The following TMTC2 variants were observed in gnomAD, a reference collection of about 807,000 sequenced individuals.
TMTC2 encodes the protein transmembrane O-mannosyltransferase targeting cadherins 2.
TMTC2 carries 43 observed loss-of-function variants against 82.4 expected under a neutral mutation model. That is an observed-to-expected ratio of 0.52 (90% CI 0.41 to 0.67). The LOEUF is 0.67. Among genes scored for constraint, TMTC2 ranks in the 30% least tolerant of loss-of-function variants. The pLI is 0.00. For synonymous variants in TMTC2, 408 were observed against 381.9 expected, an observed-to-expected ratio of 1.07 and a Z score of -0.80; for missense variants, 919 against 1,012.4, an observed-to-expected ratio of 0.91 and a Z score of 1.25.
chr12:82,992,347 G>GTTTT (rs1242078002), intron 8 of TMTC2, among the ~76,000 whole-genome samples: 1 of 152,064 alleles, frequency 6.6e-6, no homozygotes, highest in Admixed American at 6.6e-5. Flanking sequence ...TTGTTTGTTT[G>GTTTT]TTTATTTATT....
At chr12:82,743,826 ACT>A (rs1430103782) in intron 1 of TMTC2, among the ~76,000 whole-genome samples, 1 of 151,822 alleles carries the variant, frequency 6.6e-6, no homozygotes, top group Non-Finnish European at 1.5e-5. Flanking sequence ...AGAAAATATG[ACT>A]CTGTTGTCCT....
chr12:83,082,828 G>A (rs1883519100), intron 11 of TMTC2, among the ~76,000 whole-genome samples: 1 of 152,156 alleles, frequency 6.6e-6, no homozygotes, highest in African/African-American at 2.4e-5. Context: ...ACTTGGTGTT[G>A]CTATAAATAG....
intron 1 of TMTC2, among the ~76,000 whole-genome samples, chr12:82,812,757 T>A (rs1000072222): frequency 6.6e-5 from 10 of 152,048 alleles, no homozygotes; most frequent in African/African-American, 2.2e-4. Flanking sequence ...TTATTTTTTT[T>A]ATGAAAATCT....
intron 10 of TMTC2, among the ~76,000 whole-genome samples, chr12:83,057,188 G>A (rs1882576548): frequency 1.3e-5 from 2 of 151,808 alleles, no homozygotes; most frequent in African/African-American, 2.4e-5. Context: ...AATCTTTCTA[G>A]ATATGGGTTT....
chr12:82,908,911 A>G (rs893761243), intron 3 of TMTC2, among the ~76,000 whole-genome samples: 1 of 152,152 alleles, frequency 6.6e-6, no homozygotes. Context: ...AATTGGTACA[A>G]TGTTACACAT....
intron 2 of TMTC2, among the ~76,000 whole-genome samples, chr12:82,893,348 C>T (rs913372229): frequency 7.9e-5 from 11 of 140,002 alleles, no homozygotes; most frequent in African/African-American, 1.1e-4. Flanking sequence ...TTCAGCCTGG[C>T]GACAGAGCAA....
intron 4 of TMTC2, among the ~76,000 whole-genome samples, chr12:82,952,219 A>G (rs1877387475): frequency 1.3e-5 from 2 of 152,310 alleles, no homozygotes; most frequent in African/African-American, 4.8e-5. Flanking sequence ...AAAAAATACT[A>G]CTAATGTCAT....
chr12:82,798,753 G>A (rs1362863906), intron 1 of TMTC2, among the ~76,000 whole-genome samples: 2 of 143,564 alleles, frequency 1.4e-5, no homozygotes, highest in Admixed American at 1.5e-4. Context: ...GTTGTATTGA[G>A]CTGAGATCAC....
At chr12:82,907,768 A>G (rs1874402247) in intron 3 of TMTC2, among the ~76,000 whole-genome samples, 2 of 152,182 alleles carry the variant, frequency 1.3e-5, no homozygotes, top group Non-Finnish European at 1.5e-5. Flanking sequence ...AGACTAGCAT[A>G]TGATTAAGCA....
Position 82,832,291 on chromosome 12 carries a change from A to G in TMTC2, c.84-24719A>G, listed in dbSNP as rs112028219. Among the ~76,000 whole-genome samples the G allele has an allele frequency of 6.3e-3, 958 of 152,144 alleles. 6 individuals carry two copies. The highest frequency in any genetic ancestry group is 0.022 in the African/African-American group (894 of 41,506). ...TGGTTACATAGTAAGATTTCTTGCT[A>G]AACTTGCTTCCTCATTCTCCCTTCC... On this transcript the variant is annotated intron_variant, in intron 1 of 11. Coordinates refer to ENST00000321196, the MANE Select transcript of TMTC2 (RefSeq NM_152588.3).
chr12:82,737,651 AT>A (rs1875193373), intron 1 of TMTC2, among the ~76,000 whole-genome samples: 1 of 152,208 alleles, frequency 6.6e-6, no homozygotes, highest in African/African-American at 2.4e-5. Context: ...GGAAATATAA[AT>A]GAATAAGTAA....
At chr12:83,101,665 G>C (rs1884220313) in intron 11 of TMTC2, among the ~76,000 whole-genome samples, 1 of 152,264 alleles carries the variant, frequency 6.6e-6, no homozygotes, top group South Asian at 2.1e-4. Context: ...ATTGGGTTTG[G>C]GACCGAGCAG....
intron 1 of TMTC2, among the ~76,000 whole-genome samples, chr12:82,687,894 C>T (rs1872403602): frequency 6.6e-6 from 1 of 152,200 alleles, no homozygotes; most frequent in Non-Finnish European, 1.5e-5. Context: ...GGTTCTCTCC[C>T]TTGCTTCTCG....
At chr12:82,825,313 A>G (rs1869352346) in intron 1 of TMTC2, among the ~76,000 whole-genome samples, 1 of 152,146 alleles carries the variant, frequency 6.6e-6, no homozygotes, top group African/African-American at 2.4e-5. Context: ...AACTGTTGGG[A>G]ATGTGAGATG....
At chr12:82,890,805 T>C (rs752576622) in intron 2 of TMTC2, among the ~76,000 whole-genome samples, 2 of 152,200 alleles carry the variant, frequency 1.3e-5, no homozygotes, top group Non-Finnish European at 2.9e-5. Context: ...TATGAGAAGT[T>C]CATATCCAGC....
intron 3 of TMTC2, among the ~76,000 whole-genome samples, chr12:82,905,950 A>G (rs1874278365): frequency 6.6e-6 from 1 of 151,970 alleles, no homozygotes; most frequent in East Asian, 1.9e-4. Context: ...TGTCTCAAAA[A>G]AAAAAAAAAA....
chr12:83,039,623 A>C (rs927100293), intron 9 of TMTC2, among the ~76,000 whole-genome samples: 2 of 152,098 alleles, frequency 1.3e-5, no homozygotes, highest in African/African-American at 4.8e-5. Context: ...TGACGTCATC[A>C]AGCAGTGACT....
chr12:82,892,629 T>C (rs1158032721), intron 2 of TMTC2, among the ~76,000 whole-genome samples: 1 of 152,222 alleles, frequency 6.6e-6, no homozygotes, highest in Non-Finnish European at 1.5e-5. Flanking sequence ...TCCTCCTTCG[T>C]GTGGCTCTCC....
In TMTC2 at chr12:82,965,083, C is replaced by G; in HGVS notation, c.1658C>G (p.Ala553Gly). Residue 553 changes from alanine (A) to glycine (G), a missense_variant, in exon 5 of 12, where the codon GCC (alanine) becomes GGC (glycine). Coordinates refer to ENST00000321196, the MANE Select transcript of TMTC2 (RefSeq NM_152588.3). ...FAEALHYYKL[A>G]IGSRPTLASA... ...GAAGCACTACATTATTATAAATTGGCCATTGGGAGCAGGCCTACCCTGGCT... is the reference window on the plus strand; with the variant it reads ...GAAGCACTACATTATTATAAATTGGGCATTGGGAGCAGGCCTACCCTGGCT... The G allele has an allele frequency of 6.2e-7, 1 of 1,612,068 alleles. No homozygotes were observed. The highest frequency in any genetic ancestry group is 1.3e-5 in the African/African-American group (1 of 74,890).
Sources: gnomAD v4.1 joint callset for allele counts (sites outside exome capture counted in the v4.1 genomes callset) on GRCh38, gnomAD v4.1.1 for gene constraint, MANE v1.5 for transcripts, NCBI Gene and HGNC (gene_info 2026-07-23, HGNC 2026-07-21) for gene names.